WDR27: variants seen among roughly 807,000 people sequenced by gnomAD.
WDR27 encodes WD repeat domain 27.
A neutral mutation model predicts 114.4 loss-of-function variants in WDR27; 100 were observed. The ratio of observed to expected loss-of-function variants is 0.87; its 90% CI spans 0.74 to 1.03. WDR27 has a LOEUF of 1.03. Ranked by LOEUF, WDR27 falls within the 50% of genes least tolerant of loss-of-function variation. WDR27 has a pLI of 0.00. For missense variants in WDR27, 1,129 were observed against 1,092.9 expected (o/e 1.03, Z -0.47); for synonymous variants, 449 against 423.1 (o/e 1.06, Z -0.75).
chr6:169,666,970 G>A (rs1585036229), intron 6 of WDR27, 166 bp downstream of exon 6: 2 of 985,466 alleles, frequency 2.0e-6, no homozygotes, highest in Non-Finnish European at 2.4e-6. Context: ...TCACTGTTAA[G>A]TGAATCCTCT....
Position 169,597,877 on chromosome 6 carries a change from T to TACACACACACAC in WDR27, c.2424+4330_2424+4341dup, listed in dbSNP as rs67336814. On this transcript the variant is annotated intron_variant, in intron 23 of 25. Transcript: ENST00000448612. Reference sequence around the variant, plus strand: ...GCACAACTTCACCTCTTACCATTCATACACACACACACACACACACACACA... The same window carrying TACACACACACAC: ...GCACAACTTCACCTCTTACCATTCATACACACACACACACACACACACACACACACACACACA... Among the ~76,000 whole-genome samples the TACACACACACAC allele has an allele frequency of 7.5e-3, 1,070 of 142,272 alleles. 14 individuals are homozygous for TACACACACACAC. Among genetic ancestry groups the TACACACACACAC allele is most frequent in the East Asian group, 0.043 (199 of 4,590 alleles). 93.3% of individuals were successfully genotyped at this position (142,272 alleles called of 152,430 possible).
In WDR27 at chr6:169,632,977, T is replaced by C. The variant is rs1355641845; in HGVS notation, c.2193A>G (p.Ser731=). The C allele has an allele frequency of 1.3e-6, 2 of 1,594,612 alleles. No homozygotes were observed. The highest frequency in any genetic ancestry group is 1.3e-5 in the African/African-American group (1 of 74,764). The change falls in exon 21 of 26, where the codon TCA becomes TCG. Residue 731 remains serine, a synonymous_variant. Transcript: ENST00000448612. ...CSAAVIAEAH[S]RPVHQICQNK... ...TTTGGCAGATTTGATGGACAGGCCG[T>C]GAGTGGGCTTCCGCTATCACCGCTG...
At chr6:169,672,058 A>C in intron 3 of WDR27, 197 bp downstream of exon 3, 1 of 487,520 alleles carries the variant, frequency 2.1e-6, no homozygotes, top group Non-Finnish European at 3.6e-6. Flanking sequence ...GTAAGTCTGA[A>C]TGGCCTGGGG....
At chr6:169,683,642 C>T (rs1309744588) in intron 2 of WDR27, among the ~76,000 whole-genome samples, 1 of 152,138 alleles carries the variant, frequency 6.6e-6, no homozygotes, top group Admixed American at 6.5e-5. Context: ...GACTGGAAGT[C>T]CAGGAGAGCA....
chr6:169,692,104 A>G (rs773383419), intron 1 of WDR27, among the ~76,000 whole-genome samples: 16 of 152,344 alleles, frequency 1.1e-4, no homozygotes, highest in African/African-American at 2.4e-4. Context: ...CTAAAAATCA[A>G]TATCACAGGA....
intron 22 of WDR27, among the ~76,000 whole-genome samples, chr6:169,605,419 C>T (rs1281877483): frequency 6.6e-6 from 1 of 151,646 alleles, no homozygotes; most frequent in African/African-American, 2.4e-5. Context: ...TAAAAGGTCT[C>T]AATACGGAAA....
chr6:169,427,454 A>G, the WDR27 span, among the ~76,000 whole-genome samples: 1 of 152,148 alleles, frequency 6.6e-6, no homozygotes, highest in Admixed American at 6.5e-5. Context: ...CCCATCTTAG[A>G]AACTGAAAGG....
At chr6:169,682,425 T>G (rs1781780439) in intron 2 of WDR27, among the ~76,000 whole-genome samples, 1 of 152,092 alleles carries the variant, frequency 6.6e-6, no homozygotes, top group Non-Finnish European at 1.5e-5. Context: ...CCACGCTGAG[T>G]CCTACCCAGG....
chr6:169,455,378 A>G (rs1784308722), downstream of WDR27, among the ~76,000 whole-genome samples: 1 of 152,264 alleles, frequency 6.6e-6, no homozygotes, highest in East Asian at 1.9e-4. Flanking sequence ...GTGAAAACTA[A>G]AAAGCTCTAC....
downstream of WDR27, among the ~76,000 whole-genome samples, chr6:169,454,201 A>G (rs1784262331): frequency 6.6e-6 from 1 of 152,232 alleles, no homozygotes. Flanking sequence ...CCTTTTTGGA[A>G]AAACATATTT....
At position 169,670,604 on chromosome 6, in the gene WDR27, A is replaced by G. The variant is rs755595531; in HGVS notation, c.421T>C (p.Cys141Arg). ...LSLDDHVVAV[C>R]AGNKIFMLDI... is the part of the protein sequence containing the mutation. ...AGCATGAATATTTTGTTTCCAGCAC[A>G]CACGGCAACAACATGATCATCCAGG... is the stretch of plus-strand genomic sequence containing the variant. The change falls in exon 4 of 26, where the codon TGT (cysteine) becomes CGT (arginine). Residue 141 changes from cysteine (C) to arginine (R), a missense_variant. Coordinates refer to ENST00000448612, the MANE Select transcript of WDR27 (RefSeq NM_182552.5). 1 of 1,614,032 alleles carries G rather than the reference A, an allele frequency of 6.2e-7. No individual in the cohort carries two copies. Among genetic ancestry groups the G allele is most frequent in the Non-Finnish European group, 8.5e-7 (1 of 1,179,904 alleles).
the WDR27 span, among the ~76,000 whole-genome samples, chr6:169,451,061 C>A: frequency 3.2e-4 from 49 of 152,312 alleles, no homozygotes; most frequent in African/African-American, 1.1e-3. Context: ...AATTTGCTCA[C>A]AAGGAACTTC....
chr6:169,586,874 A>G (rs1475575751), intron 23 of WDR27, among the ~76,000 whole-genome samples: 3 of 146,822 alleles, frequency 2.0e-5, no homozygotes, highest in African/African-American at 7.4e-5. Flanking sequence ...AAAAAAAAAA[A>G]GGCAGTCGCT....
At chr6:169,531,381 C>T (rs1419610266) in intron 25 of WDR27, among the ~76,000 whole-genome samples, 1 of 152,172 alleles carries the variant, frequency 6.6e-6, no homozygotes, top group Non-Finnish European at 1.5e-5. Context: ...ATCCCGTGGA[C>T]ATTGGGGAGC....
intron 21 of WDR27, among the ~76,000 whole-genome samples, chr6:169,615,483 T>C (rs1225259802): frequency 6.6e-6 from 1 of 152,126 alleles, no homozygotes; most frequent in Non-Finnish European, 1.5e-5. Flanking sequence ...TAAAGCCACA[T>C]ACCTACGACC....
At chr6:169,549,140 G>A (rs941008024) in intron 25 of WDR27, among the ~76,000 whole-genome samples, 4 of 152,074 alleles carry the variant, frequency 2.6e-5, no homozygotes, top group Admixed American at 6.5e-5. Context: ...GAAAATAAAC[G>A]CAAAAGACAA....
intron 14 of WDR27, among the ~76,000 whole-genome samples, chr6:169,650,659 A>C: frequency 8.0e-6 from 1 of 125,558 alleles, no homozygotes; most frequent in Admixed American, 8.1e-5. Context: ...CCCACCATCC[A>C]TCCACCAACT....
chr6:169,660,552 C>G, intron 10 of WDR27, 111 bp downstream of exon 10: 1 of 864,044 alleles, frequency 1.2e-6, no homozygotes, highest in South Asian at 1.5e-5. Flanking sequence ...ACTGAAGCAT[C>G]TCATCCTCAG....
At chr6:169,457,973 C>CGGAGGAGGAGGAGGAGGAGGAGGAGGA (rs148934854) in intron 25 of WDR27, among the ~76,000 whole-genome samples, 22 of 111,790 alleles carry the variant, frequency 2.0e-4, no homozygotes, top group East Asian at 2.2e-4. Flanking sequence ...GCACTCCTGA[C>CGGAGGAGGAGGAGGAGGAGGAGGAGGA]GGAGGAGGAG....
Sources: allele counts gnomAD v4.1 joint callset (sites outside exome capture counted in the v4.1 genomes callset), GRCh38; gene constraint gnomAD v4.1.1; transcripts MANE v1.5; gene names NCBI Gene and HGNC (gene_info 2026-07-23, HGNC 2026-07-21).